The following LRRC4C variants were observed in gnomAD, a reference collection of about 807,000 sequenced individuals.
LRRC4C encodes the protein leucine-rich repeat-containing protein 4C.
Under a neutral mutation model 33.6 loss-of-function variants are expected in LRRC4C, and 5 were observed. That is an observed-to-expected ratio of 0.15 (90% CI 0.08 to 0.31). The LOEUF (loss-of-function observed/expected upper bound fraction) is 0.31. LRRC4C is among the 10% of genes least tolerant of loss of function. The probability of loss-of-function intolerance (pLI) is 1.00; values close to 1 mark genes in which losing one functional copy is unlikely to be tolerated. For synonymous variants in LRRC4C, 329 were observed against 302.0 expected, an observed-to-expected ratio of 1.09 and a Z score of -0.93; for missense variants, 560 against 796.7, an observed-to-expected ratio of 0.70 and a Z score of 3.58.
intron 3 of LRRC4C, among the ~76,000 whole-genome samples, chr11:40,642,544 CT>C (rs1290197314): frequency 6.6e-6 from 1 of 152,136 alleles, no homozygotes; most frequent in Non-Finnish European, 1.5e-5. Context: ...TGAAATATAA[CT>C]TTTACCTTGT....
intron 1 of LRRC4C, among the ~76,000 whole-genome samples, chr11:41,412,020 T>C (rs1415323557): frequency 6.6e-6 from 1 of 152,172 alleles, no homozygotes; most frequent in Non-Finnish European, 1.5e-5. Flanking sequence ...ATTGGCAAAT[T>C]AGATGATAAT....
chr11:40,394,875 C>T (rs182303929), intron 3 of LRRC4C, among the ~76,000 whole-genome samples: 6 of 152,244 alleles, frequency 3.9e-5, no homozygotes, highest in Admixed American at 3.9e-4. Flanking sequence ...TAATTTCCTA[C>T]TGTATCTATT....
chr11:40,769,350 A>C (rs1949641101), intron 2 of LRRC4C, among the ~76,000 whole-genome samples: 1 of 152,132 alleles, frequency 6.6e-6, no homozygotes, highest in African/African-American at 2.4e-5. Flanking sequence ...AAGTGGTAAG[A>C]TACTCCACAT....
chr11:41,410,976 C>T (rs553946933), intron 1 of LRRC4C, among the ~76,000 whole-genome samples: 1 of 151,600 alleles, frequency 6.6e-6, no homozygotes, highest in African/African-American at 2.4e-5. Context: ...AAAGGAGAGA[C>T]ATAATGTGAG....
At chr11:40,754,116 T>TA (rs1948826390) in intron 2 of LRRC4C, among the ~76,000 whole-genome samples, 1 of 152,074 alleles carries the variant, frequency 6.6e-6, no homozygotes, top group African/African-American at 2.4e-5. Context: ...ATTTAATTTG[T>TA]AAAAAATGAT....
At chr11:40,255,500 A>C (rs770794721) in intron 4 of LRRC4C, among the ~76,000 whole-genome samples, 1 of 152,340 alleles carries the variant, frequency 6.6e-6, no homozygotes, top group Middle Eastern at 3.4e-3. Context: ...AACTTTATTT[A>C]TAATTTCTGA....
At chr11:40,207,926 C>T (rs536687296) in intron 5 of LRRC4C, among the ~76,000 whole-genome samples, 2 of 152,260 alleles carry the variant, frequency 1.3e-5, no homozygotes, top group East Asian at 3.9e-4. Context: ...CAATGGAGCA[C>T]TCTGAGTGAA....
chr11:40,934,344 T>C (rs1957771652), intron 1 of LRRC4C, among the ~76,000 whole-genome samples: 1 of 152,190 alleles, frequency 6.6e-6, no homozygotes, highest in Non-Finnish European at 1.5e-5. Context: ...CTGGTGTTCC[T>C]AATTCTATGT....
intron 1 of LRRC4C, among the ~76,000 whole-genome samples, chr11:41,362,720 T>A (rs1216680655): frequency 6.6e-6 from 1 of 152,144 alleles, no homozygotes; most frequent in Non-Finnish European, 1.5e-5. Context: ...ACAGGTCAGG[T>A]TCTCATGGAA....
intron 1 of LRRC4C, among the ~76,000 whole-genome samples, chr11:41,185,096 G>T (rs764965760): frequency 5.3e-5 from 8 of 151,960 alleles, no homozygotes; most frequent in Non-Finnish European, 1.2e-4. Context: ...TGGGAATTGT[G>T]GGAGTTACAA....
chr11:40,980,698 G>A (rs905043192), intron 1 of LRRC4C, among the ~76,000 whole-genome samples: 1 of 152,036 alleles, frequency 6.6e-6, no homozygotes, highest in Non-Finnish European at 1.5e-5. Context: ...CTTCTCTTTC[G>A]TATTTCATGA....
chr11:40,867,664 G>A (rs1315870662), intron 2 of LRRC4C, among the ~76,000 whole-genome samples: 1 of 152,078 alleles, frequency 6.6e-6, no homozygotes, highest in Non-Finnish European at 1.5e-5. Context: ...AGATTTTCTG[G>A]GACTGAGATT....
At position 41,015,860 on chromosome 11, in the gene LRRC4C, G is replaced by A. The variant is rs932711808; in HGVS notation, c.-495-82137C>T. ...AACAAGAAAAAAAAAATTTATCCGGGCGTGGTGGCGGGAGCCTATAGTCCC... is the reference window on the plus strand; with the variant it reads ...AACAAGAAAAAAAAAATTTATCCGGACGTGGTGGCGGGAGCCTATAGTCCC... On this transcript the variant is annotated intron_variant, in intron 1 of 6. Coordinates refer to ENST00000528697, the MANE Select transcript of LRRC4C (RefSeq NM_001258419.2). 1.1e-4 allele frequency among the ~76,000 whole-genome samples: 17 copies of A among 152,132 alleles called. No homozygotes were observed. In the East Asian group the frequency reaches 3.3e-3, roughly 30 times the overall value.
At chr11:41,106,933 A>G (rs1816252108) in intron 1 of LRRC4C, among the ~76,000 whole-genome samples, 1 of 151,898 alleles carries the variant, frequency 6.6e-6, no homozygotes, top group African/African-American at 2.4e-5. Flanking sequence ...GGATCCCTTG[A>G]GTCTAGGAGT....
chr11:40,278,075 A>G (rs1218296281), intron 4 of LRRC4C, among the ~76,000 whole-genome samples: 1 of 152,220 alleles, frequency 6.6e-6, no homozygotes, highest in African/African-American at 2.4e-5. Context: ...ATGTCACTGC[A>G]TAAGTAAGAA....
At chr11:40,400,371 G>C (rs1185623592) in intron 3 of LRRC4C, among the ~76,000 whole-genome samples, 5 of 152,092 alleles carry the variant, frequency 3.3e-5, no homozygotes, top group Non-Finnish European at 7.4e-5. Flanking sequence ...GCTTCCACCT[G>C]TGTGTTCTCT....
chr11:41,352,201 G>T (rs561003684), intron 1 of LRRC4C, among the ~76,000 whole-genome samples: 39 of 152,236 alleles, frequency 2.6e-4, no homozygotes, highest in Non-Finnish European at 5.3e-4. Flanking sequence ...AAAAGAGCAG[G>T]CATTGCTATT....
At chr11:40,577,230 C>T (rs1958230237) in intron 3 of LRRC4C, among the ~76,000 whole-genome samples, 1 of 152,132 alleles carries the variant, frequency 6.6e-6, no homozygotes, top group Non-Finnish European at 1.5e-5. Context: ...CTAACAGGTC[C>T]AATTCTTCTT....
chr11:40,357,402 A>G (rs183515106), intron 3 of LRRC4C, among the ~76,000 whole-genome samples: 1 of 152,210 alleles, frequency 6.6e-6, no homozygotes, highest in African/African-American at 2.4e-5. Context: ...TCTGTTTGGC[A>G]CCTTCATTGT....
Sources: gnomAD v4.1 joint callset for allele counts (sites outside exome capture counted in the v4.1 genomes callset) on GRCh38, gnomAD v4.1.1 for gene constraint, MANE v1.5 for transcripts, NCBI Gene and HGNC (gene_info 2026-07-23, HGNC 2026-07-21) for gene names.